The following MAGI2 variants were observed in gnomAD, a reference collection of about 807,000 sequenced individuals.
MAGI2 encodes the protein membrane-associated guanylate kinase, WW and PDZ domain-containing protein 2.
Under a neutral mutation model 133.3 loss-of-function variants are expected in MAGI2, and 35 were observed. That is an observed-to-expected ratio of 0.26 (90% CI 0.20 to 0.35). The LOEUF is 0.35. Among genes scored for constraint, MAGI2 ranks in the 10% least tolerant of loss-of-function variants. The pLI is 1.00. For synonymous variants in MAGI2, 729 were observed against 710.6 expected, an observed-to-expected ratio of 1.03 and a Z score of -0.41; for missense variants, 1,636 against 1,863.4, an observed-to-expected ratio of 0.88 and a Z score of 2.25.
chr7:79,290,731 C>T (rs1048314888), intron 1 of MAGI2, among the ~76,000 whole-genome samples: 2 of 151,944 alleles, frequency 1.3e-5, no homozygotes, highest in Admixed American at 6.6e-5. Context: ...TGGATAAAAC[C>T]CTTTGAACTC....
At chr7:78,324,699 A>G (rs1788401216) in intron 9 of MAGI2, among the ~76,000 whole-genome samples, 1 of 152,178 alleles carries the variant, frequency 6.6e-6, no homozygotes, top group Non-Finnish European at 1.5e-5. Flanking sequence ...GGTGGCTCAC[A>G]ACTGTAATCC....
intron 1 of MAGI2, among the ~76,000 whole-genome samples, chr7:79,334,999 T>G (rs1344542991): frequency 6.6e-6 from 1 of 152,136 alleles, no homozygotes; most frequent in Non-Finnish European, 1.5e-5. Context: ...GTAACATTCA[T>G]GTTGAAATTT....
intron 3 of MAGI2, among the ~76,000 whole-genome samples, chr7:78,539,306 T>C (rs1379494629): frequency 6.6e-6 from 1 of 152,168 alleles, no homozygotes; most frequent in Admixed American, 6.5e-5. Flanking sequence ...GTTTATGTGG[T>C]GTATCAAATT....
intron 21 of MAGI2, among the ~76,000 whole-genome samples, chr7:78,044,260 G>T (rs3807777): frequency 0.067 from 10,151 of 152,114 alleles, 344 homozygotes; most frequent in South Asian, 0.077. Context: ...TAGACATATG[G>T]CTGCTTTAAC....
chr7:79,100,025 A>G lies in MAGI2; in HGVS notation c.302-92819T>C, dbSNP rs191555213. 1.2e-4 allele frequency among the ~76,000 whole-genome samples: 18 copies of G among 152,296 alleles called. No homozygotes were observed. In the East Asian group the frequency reaches 3.5e-3, roughly 29 times the overall value. ...ATTTTTTAGAAGAATCTTATAGTGTATGTGCTGTTTTTCTCTGTTTTGTAA... is the reference window on the plus strand; with the variant it reads ...ATTTTTTAGAAGAATCTTATAGTGTGTGTGCTGTTTTTCTCTGTTTTGTAA... On this transcript the variant is annotated intron_variant, in intron 1 of 21. Transcript: ENST00000354212.
At chr7:78,404,980 T>A (rs1055184823) in intron 6 of MAGI2, among the ~76,000 whole-genome samples, 1 of 151,768 alleles carries the variant, frequency 6.6e-6, no homozygotes, top group Non-Finnish European at 1.5e-5. Context: ...AAGAAAAAAA[T>A]CAAACAACCC....
intron 1 of MAGI2, among the ~76,000 whole-genome samples, chr7:79,154,207 A>G (rs1823541387): frequency 6.6e-6 from 1 of 152,176 alleles, no homozygotes; most frequent in Non-Finnish European, 1.5e-5. Flanking sequence ...TTCTATTTGT[A>G]CCTTTCAAAT....
intron 9 of MAGI2, among the ~76,000 whole-genome samples, chr7:78,328,662 T>C (rs1024510446): frequency 1.3e-5 from 2 of 152,162 alleles, no homozygotes; most frequent in Non-Finnish European, 2.9e-5. Flanking sequence ...GTTGCTACAT[T>C]GCTTATCATT....
rs541718627 is a variant in MAGI2, at chr7:78,405,042, A to G, written c.1046-35829T>C. Among the ~76,000 whole-genome samples the G allele has an allele frequency of 2.0e-5, 3 of 152,130 alleles. No homozygotes were observed. In the East Asian group the frequency reaches 5.8e-4, roughly 29 times the overall value. ...TTCCTTTACTGAGGAACTGCAAACA[A>G]CTGGGGTTCTTTGACTTCTAAGGAA... On this transcript the variant is annotated intron_variant, in intron 6 of 21. Coordinates refer to ENST00000354212, the MANE Select transcript of MAGI2 (RefSeq NM_012301.4).
In MAGI2 at chr7:79,453,442, C is replaced by G. The variant is rs1382405284; in HGVS notation, c.-122G>C. 1 of 1,489,864 alleles carries G rather than the reference C, an allele frequency of 6.7e-7. No homozygotes were observed. Among genetic ancestry groups the G allele is most frequent in the Non-Finnish European group, 8.9e-7 (1 of 1,127,620 alleles). 92.3% of individuals were successfully genotyped at this position (1,489,864 alleles called of 1,614,324 possible). On this transcript the variant is annotated 5_prime_UTR_variant, in exon 1 of 22. Coordinates refer to ENST00000354212, the MANE Select transcript of MAGI2 (RefSeq NM_012301.4). ...AAGAACAGCAGACTTTGCCTTCGCC[C>G]CCCTCTATTCGGTGCTTTCCCTCTT...
At chr7:78,290,920 G>A (rs1796638827) in intron 9 of MAGI2, among the ~76,000 whole-genome samples, 1 of 152,160 alleles carries the variant, frequency 6.6e-6, no homozygotes, top group African/African-American at 2.4e-5. Flanking sequence ...CAGAATCTCT[G>A]GGATACATTT....
At chr7:78,730,954 G>T (rs949382156) in intron 2 of MAGI2, among the ~76,000 whole-genome samples, 1 of 151,818 alleles carries the variant, frequency 6.6e-6, no homozygotes. Flanking sequence ...TTACACTACA[G>T]CTCCCTCAGA....
At chr7:78,525,113 ATAAAT>A (rs1796840058) in intron 3 of MAGI2, among the ~76,000 whole-genome samples, 1 of 152,232 alleles carries the variant, frequency 6.6e-6, no homozygotes, top group Non-Finnish European at 1.5e-5. Context: ...TGATATGACT[ATAAAT>A]TATACAACAA....
At chr7:78,970,949 C>T (rs1463504784) in intron 2 of MAGI2, among the ~76,000 whole-genome samples, 4 of 151,974 alleles carry the variant, frequency 2.6e-5, no homozygotes, top group African/African-American at 9.7e-5. Flanking sequence ...CTTCCATCAG[C>T]GCAGGGAAGC....
Position 78,313,745 on chromosome 7 carries a change from A to G in MAGI2, c.1408+30033T>C, listed in dbSNP as rs1368323203. On this transcript the variant is annotated intron_variant, in intron 9 of 21. Transcript: ENST00000354212. ...TTTTGCTCTTAAAACTATATCTGCT[A>G]AGCAACATTTCTTTTCAGAGACGGA... Among the ~76,000 whole-genome samples the G allele has an allele frequency of 2.0e-5, 3 of 152,082 alleles. No individual in the cohort carries two copies. The East Asian group carries it at 5.8e-4, about 29-fold the overall frequency.
chr7:78,293,227 C>G (rs1796899907), intron 9 of MAGI2, among the ~76,000 whole-genome samples: 1 of 152,124 alleles, frequency 6.6e-6, no homozygotes, highest in Non-Finnish European at 1.5e-5. Flanking sequence ...AGAACTTAAA[C>G]AAATTTACAA....
chr7:78,400,559 A>G (rs1215582370), intron 6 of MAGI2, among the ~76,000 whole-genome samples: 1 of 152,204 alleles, frequency 6.6e-6, no homozygotes, highest in Non-Finnish European at 1.5e-5. Flanking sequence ...TTTTTAATAA[A>G]AGAAAAAATG....
rs142233012 is a variant in MAGI2, at chr7:78,854,608, T to C, written c.418+152482A>G. The stretch of plus-strand genomic sequence containing the variant: ...ATATTCAGTTCCTTAGTAAAGTCTT[T>C]GTTAATCTTTGCAGGCTAGGTTGGT... On this transcript the variant is annotated intron_variant, in intron 2 of 21. Coordinates refer to ENST00000354212, the MANE Select transcript of MAGI2 (RefSeq NM_012301.4). 2.0e-3 allele frequency among the ~76,000 whole-genome samples: 306 copies of C among 152,172 alleles called. 2 individuals carry two copies. The highest frequency in any genetic ancestry group is 6.8e-3 in the African/African-American group (284 of 41,570).
chr7:79,295,290 A>G (rs1480583376), intron 1 of MAGI2, among the ~76,000 whole-genome samples: 1 of 152,160 alleles, frequency 6.6e-6, no homozygotes, highest in Non-Finnish European at 1.5e-5. Context: ...ATATTTTAAG[A>G]CCAGAGTTCA....
Sources: allele counts gnomAD v4.1 joint callset (sites outside exome capture counted in the v4.1 genomes callset), GRCh38; gene constraint gnomAD v4.1.1; transcripts MANE v1.5; gene names NCBI Gene and HGNC (gene_info 2026-07-23, HGNC 2026-07-21).